The following FARS2 variants were observed in gnomAD, a reference collection of about 807,000 sequenced individuals.
The protein encoded by FARS2 is phenylalanyl-tRNA synthetase 2, mitochondrial, also known as phenylalanine--tRNA ligase, mitochondrial.
In FARS2, 40 loss-of-function variants were observed where a neutral mutation model predicts 46.4. The observed-to-expected ratio is 0.86, with a 90% CI of 0.67 to 1.12. The LOEUF (loss-of-function observed/expected upper bound fraction) is 1.12. FARS2 is among the 50% of genes most tolerant of loss of function. FARS2 has a pLI of 0.00. For missense variants in FARS2, 513 were observed against 567.9 expected (o/e 0.90, Z 0.98); for synonymous variants, 234 against 214.9 (o/e 1.09, Z -0.78).
At chr6:5,535,602 A>G (rs557829922) in intron 4 of FARS2, among the ~76,000 whole-genome samples, 4 of 152,320 alleles carry the variant, frequency 2.6e-5, no homozygotes, top group African/African-American at 7.2e-5. Context: ...AGTGAAATTT[A>G]TCTAAGTGGA....
rs1327391839 is a variant in FARS2 at position 5,404,541 on chromosome 6, G to A, written c.613-1G>A. 3.8e-6 allele frequency: 6 copies of A among 1,584,160 alleles called. No individual in the cohort carries two copies. Among genetic ancestry groups the A allele is most frequent in the Non-Finnish European group, 5.2e-6 (6 of 1,163,886 alleles). ...ATTTATACTTTCCTGTTGGTTTACA[G>A]TTATTTGCTGGTATAAAGGATGGAG... On this transcript the variant is annotated splice_acceptor_variant, in intron 2 of 6. Transcript: ENST00000274680. LOFTEE classifies it high-confidence loss of function.
At chr6:5,761,254 T>G (rs957250175) in intron 6 of FARS2, among the ~76,000 whole-genome samples, 1 of 152,230 alleles carries the variant, frequency 6.6e-6, no homozygotes, top group African/African-American at 2.4e-5. Flanking sequence ...TGTCTATTCA[T>G]GTATAAATGT....
At chr6:5,283,017 A>G (rs1390367220) in intron 1 of FARS2, among the ~76,000 whole-genome samples, 1 of 151,904 alleles carries the variant, frequency 6.6e-6, no homozygotes, top group Non-Finnish European at 1.5e-5. Flanking sequence ...CAGGTGGATC[A>G]TTTGAGGTCA....
chr6:5,693,220 C>T (rs937444976), intron 6 of FARS2, among the ~76,000 whole-genome samples: 10 of 152,266 alleles, frequency 6.6e-5, no homozygotes, highest in African/African-American at 1.7e-4. Context: ...AACTGTCACA[C>T]GTTGTCAGCT....
At chr6:5,713,626 G>T (rs1360226425) in intron 6 of FARS2, among the ~76,000 whole-genome samples, 2 of 152,252 alleles carry the variant, frequency 1.3e-5, no homozygotes. Context: ...GGATTGCTTT[G>T]CTAATCCTGG....
At chr6:5,566,874 G>A (rs1168285524) in intron 5 of FARS2, among the ~76,000 whole-genome samples, 6 of 152,312 alleles carry the variant, frequency 3.9e-5, no homozygotes, top group East Asian at 1.9e-4. Context: ...TGACTTAACC[G>A]TGAGTGTACA....
At position 5,341,201 on chromosome 6, in the gene FARS2, A is replaced by C. The variant is rs1303995863; in HGVS notation, c.-21-27349A>C. Among the ~76,000 whole-genome samples the C allele has an allele frequency of 9.4e-4, 3 of 3,196 alleles. 1 individual carries two copies. Among genetic ancestry groups the C allele is most frequent in the African/African-American group, 2.6e-3 (3 of 1,148 alleles). The allele number at this position is 3,196 out of a possible 152,430, so 2.1% of individuals were successfully genotyped here. A position where few individuals can be genotyped will look rare whatever the true frequency, so the allele number is the denominator to read the frequency against. On this transcript the variant is annotated intron_variant, in intron 1 of 6. Coordinates refer to ENST00000274680, the MANE Select transcript of FARS2 (RefSeq NM_006567.5). ...TGGCCATGGGGAGATATATATATAT[A>C]TATATATATATATATATATATATAT...
intron 6 of FARS2, among the ~76,000 whole-genome samples, chr6:5,711,862 A>C (rs765978411): frequency 6.6e-6 from 1 of 152,146 alleles, no homozygotes; most frequent in Non-Finnish European, 1.5e-5. Flanking sequence ...ATGCTGGTGA[A>C]AATAATGTAG....
At chr6:5,513,566 G>A (rs1768585053) in intron 4 of FARS2, among the ~76,000 whole-genome samples, 1 of 152,356 alleles carries the variant, frequency 6.6e-6, no homozygotes, top group South Asian at 2.1e-4. Flanking sequence ...CAGGGCGCCT[G>A]TGTCTTTTCG....
At chr6:5,733,924 AGTT>A (rs1372630209) in intron 6 of FARS2, among the ~76,000 whole-genome samples, 6 of 152,336 alleles carry the variant, frequency 3.9e-5, no homozygotes, top group East Asian at 3.9e-4. Context: ...TTGCTATTGC[AGTT>A]GTTGTAAGAA....
rs1019731985 is a variant in FARS2 at position 5,622,061 on chromosome 6, T to C, written c.1217+8741T>C. On this transcript the variant is annotated intron_variant, in intron 6 of 6. Transcript: ENST00000274680. ...GACTGAGCTAAACACCATCATGCCTTTCAGGCAGATCCCCTTGCATCAGGC... is the reference window on the plus strand; with the variant it reads ...GACTGAGCTAAACACCATCATGCCTCTCAGGCAGATCCCCTTGCATCAGGC... 5.9e-5 allele frequency among the ~76,000 whole-genome samples: 9 copies of C among 152,258 alleles called. No individual in the cohort carries two copies. The East Asian group carries it at 1.7e-3, about 29-fold the overall frequency.
intron 4 of FARS2, among the ~76,000 whole-genome samples, chr6:5,503,134 C>T (rs1767898556): frequency 6.6e-6 from 1 of 151,018 alleles, no homozygotes; most frequent in African/African-American, 2.4e-5. Flanking sequence ...CAGAAATATA[C>T]CTGGATTGAT....
chr6:5,282,183 G>T (rs1766777693), intron 1 of FARS2, among the ~76,000 whole-genome samples: 1 of 152,152 alleles, frequency 6.6e-6, no homozygotes, highest in Non-Finnish European at 1.5e-5. Context: ...GGAATTTCAA[G>T]GAAAGTGTTA....
At chr6:5,757,725 C>T (rs1762281452) in intron 6 of FARS2, among the ~76,000 whole-genome samples, 1 of 152,182 alleles carries the variant, frequency 6.6e-6, no homozygotes, top group South Asian at 2.1e-4. Flanking sequence ...GGGTGCATCT[C>T]TGCAATAGGA....
chr6:5,332,994 A>G (rs1214258033), intron 1 of FARS2, among the ~76,000 whole-genome samples: 1 of 152,206 alleles, frequency 6.6e-6, no homozygotes, highest in Non-Finnish European at 1.5e-5. Context: ...TTATACTAAT[A>G]TTGATTTTCT....
intron 1 of FARS2, among the ~76,000 whole-genome samples, chr6:5,302,580 T>A (rs1166475030): frequency 6.6e-6 from 1 of 152,220 alleles, no homozygotes; most frequent in Admixed American, 6.5e-5. Flanking sequence ...ACACTATTAC[T>A]ATCTTTTACA....
At chr6:5,324,930 C>T (rs542630111) in intron 1 of FARS2, among the ~76,000 whole-genome samples, 172 of 152,154 alleles carry the variant, frequency 1.1e-3, no homozygotes, top group Admixed American at 1.8e-3. Context: ...GAGAGACATG[C>T]CATCCCTGCC....
At chr6:5,723,314 T>C (rs1215575508) in intron 6 of FARS2, among the ~76,000 whole-genome samples, 1 of 152,204 alleles carries the variant, frequency 6.6e-6, no homozygotes, top group Non-Finnish European at 1.5e-5. Flanking sequence ...GCCGTTTGAT[T>C]TCTAGCTTGT....
chr6:5,651,795 G>A (rs1166068827), intron 6 of FARS2, among the ~76,000 whole-genome samples: 1 of 152,148 alleles, frequency 6.6e-6, no homozygotes, highest in East Asian at 1.9e-4. Context: ...ATCAGTGAGG[G>A]AATTGAGGCA....
Sources: allele counts gnomAD v4.1 joint callset (sites outside exome capture counted in the v4.1 genomes callset), GRCh38; gene constraint gnomAD v4.1.1; transcripts MANE v1.5; gene names NCBI Gene and HGNC (gene_info 2026-07-23, HGNC 2026-07-21).